The following EYS variants were observed in gnomAD, a reference collection of about 807,000 sequenced individuals.
EYS encodes the protein EGF-like photoreceptor maintenance factor, also known as protein eyes shut homolog.
A neutral mutation model predicts 282.1 loss-of-function variants in EYS; 250 were observed. That is an observed-to-expected ratio of 0.89 (90% CI 0.80 to 0.98). The LOEUF (loss-of-function observed/expected upper bound fraction) is 0.98, where lower values mean the gene tolerates loss of function less well. EYS is among the 50% of genes least tolerant of loss of function. The pLI is 0.00. For missense variants in EYS, 4,016 were observed against 3,709.0 expected (o/e 1.08, Z -2.15); for synonymous variants, 1,355 against 1,282.9 (o/e 1.06, Z -1.20).
Position 65,610,892 on chromosome 6 carries a change from A to C in EYS, c.-333+28886T>G, listed in dbSNP as rs375154444. Among the ~76,000 whole-genome samples, 426 of 152,226 alleles carry C rather than the reference A, an allele frequency of 2.8e-3. 5 individuals carry two copies. In the South Asian group the frequency reaches 0.029, roughly 10 times the overall value. On this transcript the variant is annotated intron_variant, in intron 2 of 42. Coordinates refer to ENST00000503581, the MANE Select transcript of EYS (RefSeq NM_001142800.2). ...AGCTCATTAGTAGTCATAGGACTCA[A>C]TAATGTTAATATTCCCAGGATGAAT...
chr6:64,287,943 G>A (rs1768557738), intron 30 of EYS, among the ~76,000 whole-genome samples: 1 of 152,126 alleles, frequency 6.6e-6, no homozygotes, highest in Non-Finnish European at 1.5e-5. Flanking sequence ...GTGATTGTAT[G>A]AATGAGTGAA....
intron 35 of EYS, among the ~76,000 whole-genome samples, chr6:63,929,765 T>C (rs1162553502): frequency 6.6e-6 from 1 of 152,126 alleles, no homozygotes; most frequent in Admixed American, 6.5e-5. Context: ...CTACACTGAG[T>C]TTTCTGGAGA....
intron 13 of EYS, among the ~76,000 whole-genome samples, chr6:65,036,336 T>C (rs1400320480): frequency 2.0e-5 from 3 of 151,986 alleles, no homozygotes; most frequent in East Asian, 3.9e-4. Context: ...CAACTAAAGA[T>C]GTATTAAACC....
intron 12 of EYS, among the ~76,000 whole-genome samples, chr6:65,180,702 A>T (rs929441006): frequency 4.7e-4 from 72 of 152,162 alleles, no homozygotes; most frequent in African/African-American, 1.6e-3. Context: ...ATTGGAAAAA[A>T]CTGCTTTAAA....
In EYS at chr6:63,872,598, C is replaced by A. The variant is rs925246398; in HGVS notation, c.7056-8240G>T. On this transcript the variant is annotated intron_variant, in intron 35 of 42. Transcript: ENST00000503581. ...GGTTCAAGCAATTCTCCTACTTCAG[C>A]CTCTCAAGTAGCTGGGATTACAGGC... 3.3e-5 allele frequency among the ~76,000 whole-genome samples: 5 copies of A among 150,306 alleles called. No individual in the cohort carries two copies. In the South Asian group the frequency reaches 6.3e-4, roughly 19 times the overall value.
chr6:64,458,822 G>T (rs1485505511), intron 26 of EYS, among the ~76,000 whole-genome samples: 1 of 152,224 alleles, frequency 6.6e-6, no homozygotes, highest in African/African-American at 2.4e-5. Flanking sequence ...ACCGAGGCTT[G>T]TGAAGGTAAT....
rs192494527 is a variant in EYS, at chr6:64,898,798, G to T, written c.2846+3315C>A. Among the ~76,000 whole-genome samples the T allele has an allele frequency of 1.1e-4, 16 of 150,664 alleles. No individual in the cohort carries two copies. In the East Asian group the frequency reaches 2.5e-3, roughly 24 times the overall value. On this transcript the variant is annotated intron_variant, in intron 18 of 42. Coordinates refer to ENST00000503581, the MANE Select transcript of EYS (RefSeq NM_001142800.2). ...GGAAATCAAAAATAAAAGAAATCAG[G>T]TGTTACAATCCTAGTCTCTGACAAA...
At chr6:64,929,806 A>G (rs557128332) in intron 15 of EYS, among the ~76,000 whole-genome samples, 2 of 152,304 alleles carry the variant, frequency 1.3e-5, no homozygotes, top group Non-Finnish European at 1.5e-5. Context: ...ATGATTATAT[A>G]CTATAAGCAG....
intron 15 of EYS, among the ~76,000 whole-genome samples, chr6:64,926,584 T>C (rs904643526): frequency 6.6e-6 from 1 of 152,160 alleles, no homozygotes. Context: ...GCACTGGGGA[T>C]TCACTCACAA....
rs564907739 is a variant in EYS, at chr6:63,720,517, C to T, written c.*79G>A. 1.7e-5 allele frequency: 18 copies of T among 1,050,800 alleles called. No homozygotes were observed. In the East Asian group the frequency reaches 2.4e-4, roughly 14 times the overall value. 65.1% of individuals were successfully genotyped at this position (1,050,800 alleles called of 1,614,324 possible). A position where few individuals can be genotyped will look rare whatever the true frequency, so the allele number is the denominator to read the frequency against. ...GTAATATAGTAAACAGTTGATTCCC[C>T]GTAAGCAATGTATCAAAGAAATAAC... On this transcript the variant is annotated 3_prime_UTR_variant, in exon 43 of 43. Coordinates refer to ENST00000503581, the MANE Select transcript of EYS (RefSeq NM_001142800.2).
chr6:65,082,244 CTG>C (rs1774248536), intron 12 of EYS, among the ~76,000 whole-genome samples: 1 of 151,990 alleles, frequency 6.6e-6, no homozygotes, highest in South Asian at 2.1e-4. Flanking sequence ...TACCATTCAC[CTG>C]ATTGCCATAC....
intron 11 of EYS, among the ~76,000 whole-genome samples, chr6:65,334,677 TCTTAA>T (rs1413833230): frequency 6.6e-6 from 1 of 151,862 alleles, no homozygotes; most frequent in Admixed American, 6.6e-5. Flanking sequence ...ATCGTACACA[TCTTAA>T]CTTAGCAGAA....
intron 26 of EYS, among the ~76,000 whole-genome samples, chr6:64,550,672 T>A (rs1328682010): frequency 6.6e-6 from 1 of 152,150 alleles, no homozygotes; most frequent in African/African-American, 2.4e-5. Flanking sequence ...AGTCAAATTG[T>A]CCCTGTTTTC....
intron 15 of EYS, among the ~76,000 whole-genome samples, chr6:64,930,209 A>T (rs1768666084): frequency 1.3e-5 from 2 of 152,270 alleles, no homozygotes; most frequent in South Asian, 2.1e-4. Flanking sequence ...CTCAAATAAT[A>T]GATTATAATT....
chr6:65,098,926 T>G (rs182188800), intron 12 of EYS, among the ~76,000 whole-genome samples: 1 of 150,888 alleles, frequency 6.6e-6, no homozygotes, highest in East Asian at 1.9e-4. Context: ...TTTTCATATA[T>G]GCAAAGAATA....
At chr6:64,029,438 CA>C (rs1769707028) in intron 33 of EYS, among the ~76,000 whole-genome samples, 2 of 152,144 alleles carry the variant, frequency 1.3e-5, no homozygotes, top group South Asian at 4.2e-4. Flanking sequence ...TACTAGGTGC[CA>C]AAGGAAGTTT....
At chr6:64,061,534 T>A (rs1771170968) in intron 33 of EYS, among the ~76,000 whole-genome samples, 1 of 152,240 alleles carries the variant, frequency 6.6e-6, no homozygotes, top group Non-Finnish European at 1.5e-5. Context: ...TACAAGTGGC[T>A]TATTCAAGTT....
intron 22 of EYS, among the ~76,000 whole-genome samples, chr6:64,742,696 G>A (rs1772417426): frequency 6.6e-6 from 1 of 152,074 alleles, no homozygotes; most frequent in South Asian, 2.1e-4. Flanking sequence ...AGCTTATTGA[G>A]TTGTAAACAT....
chr6:63,811,137 A>G (rs1288430001), intron 36 of EYS, among the ~76,000 whole-genome samples: 1 of 152,142 alleles, frequency 6.6e-6, no homozygotes, highest in Non-Finnish European at 1.5e-5. Context: ...TGTCCCCATC[A>G]TAAATAAAGA....
Sources: allele counts gnomAD v4.1 joint callset (sites outside exome capture counted in the v4.1 genomes callset), GRCh38; gene constraint gnomAD v4.1.1; transcripts MANE v1.5; gene names NCBI Gene and HGNC (gene_info 2026-07-23, HGNC 2026-07-21).